STK24: variants seen among roughly 807,000 people sequenced by gnomAD.
The protein encoded by STK24 is serine/threonine-protein kinase 24.
Under a neutral mutation model 55.6 loss-of-function variants are expected in STK24, and 21 were observed. That is an observed-to-expected ratio of 0.38 (90% CI 0.27 to 0.54). The LOEUF is 0.54. Among genes scored for constraint, STK24 ranks in the 20% least tolerant of loss-of-function variants. The pLI, the probability that STK24 is intolerant of heterozygous loss-of-function variation, is 0.79. For synonymous variants in STK24, 200 were observed against 215.2 expected, an observed-to-expected ratio of 0.93 and a Z score of 0.62; for missense variants, 383 against 538.4, an observed-to-expected ratio of 0.71 and a Z score of 2.86.
chr13:98,484,568 T>C (rs1409274321), intron 2 of STK24, among the ~76,000 whole-genome samples: 2 of 152,176 alleles, frequency 1.3e-5, no homozygotes, highest in African/African-American at 4.8e-5. Context: ...AAGGCACAAG[T>C]GACCACCCCC....
intron 2 of STK24, among the ~76,000 whole-genome samples, chr13:98,515,549 T>C (rs1255281332): frequency 6.6e-6 from 1 of 152,160 alleles, no homozygotes; most frequent in Non-Finnish European, 1.5e-5. Flanking sequence ...GTATTGTTCC[T>C]TCTCCTCCCT....
At chr13:98,527,022 A>G (rs1490198281) in intron 1 of STK24, among the ~76,000 whole-genome samples, 1 of 152,248 alleles carries the variant, frequency 6.6e-6, no homozygotes, top group Non-Finnish European at 1.5e-5. Context: ...AGGCAGTGAC[A>G]TATATCGATA....
At chr13:98,504,037 G>T (rs1007136776) in intron 2 of STK24, among the ~76,000 whole-genome samples, 1 of 152,188 alleles carries the variant, frequency 6.6e-6, no homozygotes, top group Non-Finnish European at 1.5e-5. Context: ...AAGACAGAAA[G>T]ATCACATTTG....
At chr13:98,554,011 G>A (rs958660965) in intron 1 of STK24, among the ~76,000 whole-genome samples, 1 of 150,314 alleles carries the variant, frequency 6.7e-6, no homozygotes, top group East Asian at 2.0e-4. Flanking sequence ...GCAGTGAGCC[G>A]AGATCACGCC....
intron 1 of STK24, among the ~76,000 whole-genome samples, chr13:98,525,443 C>A (rs1477899753): frequency 6.6e-6 from 1 of 152,224 alleles, no homozygotes; most frequent in African/African-American, 2.4e-5. Context: ...ACAACCCCCG[C>A]TCCCCAACAT....
intron 2 of STK24, among the ~76,000 whole-genome samples, chr13:98,485,339 A>C (rs1249005740): frequency 1.3e-5 from 2 of 152,190 alleles, no homozygotes; most frequent in Admixed American, 1.3e-4. Context: ...GTAAGAGATG[A>C]AATCACGGGG....
intron 2 of STK24, among the ~76,000 whole-genome samples, chr13:98,512,424 A>G (rs1367450805): frequency 6.6e-6 from 1 of 152,188 alleles, no homozygotes; most frequent in East Asian, 1.9e-4. Flanking sequence ...CAATTGACTT[A>G]GAGCGAAACA....
intron 1 of STK24, among the ~76,000 whole-genome samples, chr13:98,530,938 G>A (rs1228743417): frequency 3.3e-5 from 5 of 152,146 alleles, no homozygotes; most frequent in African/African-American, 9.7e-5. Context: ...AACACAATGC[G>A]ACAGGGTCTC....
chr13:98,521,100 G>A (rs943288545), intron 1 of STK24, among the ~76,000 whole-genome samples: 33 of 152,334 alleles, frequency 2.2e-4, no homozygotes, highest in African/African-American at 7.7e-4. Context: ...AGCGTAATCC[G>A]AGGTCTAACG....
At position 98,463,708 on chromosome 13, in the gene STK24, G is replaced by A; in HGVS notation, c.912C>T (p.Ser304=). 6.2e-7 allele frequency: 1 copy of A among 1,613,990 alleles called. No homozygotes were observed. Among genetic ancestry groups the A allele is most frequent in the Middle Eastern group, 1.7e-4 (1 of 6,060 alleles). Residue 304 remains serine (S), a synonymous_variant, in exon 7 of 11, where the codon AGC becomes AGT. Transcript: ENST00000539966. ...CGACTTACGCGTCGGAATCCTCGGAGCTCGAGTCGTCATGGCTCTGCTCGG... is the reference window on the plus strand; with the variant it reads ...CGACTTACGCGTCGGAATCCTCGGAACTCGAGTCGTCATGGCTCTGCTCGG... The part of the protein sequence containing the change: ...WKAEQSHDDS[S]SEDSDAETDG...
intron 7 of STK24, among the ~76,000 whole-genome samples, chr13:98,463,369 C>T (rs757000038): frequency 1.3e-5 from 2 of 152,156 alleles, no homozygotes; most frequent in Non-Finnish European, 2.9e-5. Flanking sequence ...GCAGTTTCAC[C>T]TGATCAGGGT....
chr13:98,543,321 C>G (rs556303689), intron 1 of STK24, among the ~76,000 whole-genome samples: 1 of 152,296 alleles, frequency 6.6e-6, no homozygotes, highest in East Asian at 1.9e-4. Flanking sequence ...TACAACTCAA[C>G]TTTGATTCGG....
At chr13:98,475,076 C>T (rs558986429) in intron 4 of STK24, 98 bp from the exon 5 acceptor site, 36 of 1,476,014 alleles carry the variant, frequency 2.4e-5, no homozygotes, top group African/African-American at 9.9e-5. Context: ...GCGAACCCAC[C>T]GAGCACAGGC....
At chr13:98,474,751 G>A in intron 5 of STK24, 70 bp downstream of exon 5, 1 of 1,520,020 alleles carries the variant, frequency 6.6e-7, no homozygotes, top group Non-Finnish European at 8.8e-7. Flanking sequence ...AAAGCTACCA[G>A]GCTAAAGAAC....
intron 1 of STK24, among the ~76,000 whole-genome samples, chr13:98,550,143 T>C (rs765433438): frequency 1.3e-5 from 2 of 152,228 alleles, no homozygotes; most frequent in African/African-American, 2.4e-5. Flanking sequence ...CCACAAAGAT[T>C]TTCATCCTAG....
At chr13:98,557,788 T>C (rs926472678) in intron 1 of STK24, among the ~76,000 whole-genome samples, 2 of 152,234 alleles carry the variant, frequency 1.3e-5, no homozygotes, top group African/African-American at 4.8e-5. Context: ...TGGACTACCT[T>C]CTTCAACATA....
At chr13:98,544,476 C>A (rs572330640) in intron 1 of STK24, among the ~76,000 whole-genome samples, 1 of 152,358 alleles carries the variant, frequency 6.6e-6, no homozygotes, top group Admixed American at 6.5e-5. Flanking sequence ...GCGCAGCCCC[C>A]CTGGAGTATC....
intron 2 of STK24, among the ~76,000 whole-genome samples, chr13:98,486,122 G>A (rs1232894721): frequency 6.6e-6 from 1 of 152,032 alleles, no homozygotes; most frequent in Non-Finnish European, 1.5e-5. Flanking sequence ...GGTTTGATGG[G>A]TGCGGCAAAC....
chr13:98,448,280 C>T lies in STK24; in HGVS notation c.*4893G>A. The stretch of plus-strand genomic sequence containing the variant: ...AGTGCCACCAGCTCTGCCTCGCGAC[C>T]CCACGTGTTGAGTCACAAAGAGTCT... On this transcript the variant is annotated 3_prime_UTR_variant, in exon 11 of 11. Transcript: ENST00000539966. 6.2e-7 allele frequency: 1 copy of T among 1,614,122 alleles called. No individual in the cohort carries two copies. The highest frequency in any genetic ancestry group is 8.5e-7 in the Non-Finnish European group (1 of 1,179,962).
Sources: allele counts gnomAD v4.1 joint callset (sites outside exome capture counted in the v4.1 genomes callset), GRCh38; gene constraint gnomAD v4.1.1; transcripts MANE v1.5; gene names NCBI Gene and HGNC (gene_info 2026-07-23, HGNC 2026-07-21).